Variants in WAPL observed in about 807,000 individuals in gnomAD.
WAPL encodes the protein WAPL cohesin release factor.
Under a neutral mutation model 121.0 loss-of-function variants are expected in WAPL, and 5 were observed. The observed-to-expected ratio is 0.04, with a 90% confidence interval of 0.02 to 0.09. The LOEUF (loss-of-function observed/expected upper bound fraction) is 0.09. Ranked by LOEUF, WAPL falls within the 10% of genes least tolerant of loss-of-function variation. WAPL has a pLI of 1.00. For synonymous variants in WAPL, 480 were observed against 481.5 expected, an observed-to-expected ratio of 1.00 and a Z score of 0.04; for missense variants, 999 against 1,410.8, an observed-to-expected ratio of 0.71 and a Z score of 4.68.
chr10:86,502,701 T>C lies in WAPL; in HGVS notation c.500-1958A>G, dbSNP rs536040329. ...CCCTCTTATAAGAAAATGAAGATAC[T>C]TCCTTTGATTTCTTACCAAACCCAT... On this transcript the variant is annotated intron_variant, in intron 2 of 18. Coordinates refer to ENST00000298767, the MANE Select transcript of WAPL (RefSeq NM_015045.5). Among the ~76,000 whole-genome samples the C allele has an allele frequency of 2.6e-5, 4 of 152,334 alleles. No homozygotes were observed. The East Asian group carries it at 5.8e-4, about 22-fold the overall frequency.
rs371738778 is a variant in WAPL, at chr10:86,497,184, G to C, written c.1644+17C>G. 131 of 1,552,030 alleles carry C rather than the reference G, an allele frequency of 8.4e-5. No individual in the cohort carries two copies. Among genetic ancestry groups the C allele is most frequent in the Non-Finnish European group, 1.1e-4 (129 of 1,133,054 alleles). ...TAACAAATAAATAATAAAAATCACT[G>C]ACAGTGCTTTACTTACCCGTTTGGG... On this transcript the variant is annotated intron_variant, in intron 4 of 18. Coordinates refer to ENST00000298767, the MANE Select transcript of WAPL (RefSeq NM_015045.5).
intron 4 of WAPL, among the ~76,000 whole-genome samples, chr10:86,478,605 G>A (rs1036957037): frequency 1.3e-5 from 2 of 151,994 alleles, no homozygotes; most frequent in African/African-American, 4.8e-5. Context: ...CAGTGCTCCA[G>A]GGGCATAAGC....
In WAPL at chr10:86,451,980, T is replaced by G; in HGVS notation, c.3101A>C (p.Gln1034Pro). The G allele has an allele frequency of 6.2e-7, 1 of 1,614,166 alleles. No individual in the cohort carries two copies. Among genetic ancestry groups the G allele is most frequent in the South Asian group, 1.1e-5 (1 of 91,088 alleles). The change falls in exon 15 of 19, where the codon CAG becomes CCG. Residue 1034 changes from glutamine to proline, a missense_variant. By Grantham distance (76) the Gln-to-Pro change is moderately conservative. This residue lies in a region of WAPL where 126 missense variants were observed against 144.0 expected (regional missense o/e 0.87). Coordinates refer to ENST00000298767, the MANE Select transcript of WAPL (RefSeq NM_015045.5). ...LRIGGQVHAV[Q>P]ALVQLFLERE... ...GTGGTTGCTTACCTGCACTAAAGCCTGGACAGCATGAACTTGTCCACCTAT... is the reference window on the plus strand; with the variant it reads ...GTGGTTGCTTACCTGCACTAAAGCCGGGACAGCATGAACTTGTCCACCTAT...
chr10:86,519,575 A>C (rs114507480), intron 1 of WAPL, among the ~76,000 whole-genome samples: 75 of 152,304 alleles, frequency 4.9e-4, no homozygotes, highest in African/African-American at 1.7e-3. Context: ...CTGCGTTAAG[A>C]GAAAACAGTG....
In WAPL at chr10:86,500,317, G is replaced by A; in HGVS notation, c.926C>T (p.Ser309Leu). The A allele has an allele frequency of 6.2e-7, 1 of 1,614,208 alleles. No homozygotes were observed. Among genetic ancestry groups the A allele is most frequent in the Non-Finnish European group, 8.5e-7 (1 of 1,180,038 alleles). ...GCCGTCCATCAGCTTATCAAAATTTGATGCTCCTTGGGAGGATTTCGTTTT... is the reference window on the plus strand; with the variant it reads ...GCCGTCCATCAGCTTATCAAAATTTAATGCTCCTTGGGAGGATTTCGTTTT... ...ANKTKSSQGASNFDKLMDGTS... is the reference protein window; with the variant it reads ...ANKTKSSQGALNFDKLMDGTS... Residue 309 changes from serine to leucine, a missense_variant, in exon 3 of 19, where the codon TCA becomes TTA. Ser to Leu is a moderately radical substitution (Grantham distance 145). Transcript: ENST00000298767.
Position 86,500,280 on chromosome 10 carries a change from G to A in WAPL, c.963C>T (p.Ala321=), listed in dbSNP as rs1405545360. Residue 321 remains alanine (A), a synonymous_variant, in exon 3 of 19, where the codon GCC becomes GCT. Coordinates refer to ENST00000298767, the MANE Select transcript of WAPL (RefSeq NM_015045.5). The stretch of plus-strand genomic sequence containing the variant: ...TCGATTCACTGTTTGCTTTGGCTAA[G>A]GCCTGACTGGTGCCGTCCATCAGCT... The part of the protein sequence containing the change: ...FDKLMDGTSQ[A]LAKANSESSK... 6.2e-7 allele frequency: 1 copy of A among 1,614,152 alleles called. No individual in the cohort carries two copies. Among genetic ancestry groups the A allele is most frequent in the Non-Finnish European group, 8.5e-7 (1 of 1,180,024 alleles).
intron 4 of WAPL, among the ~76,000 whole-genome samples, chr10:86,482,435 T>C (rs763261000): frequency 2.0e-5 from 3 of 152,232 alleles, no homozygotes; most frequent in East Asian, 1.9e-4. Context: ...TACGTGCATG[T>C]TTCCTATGCC....
chr10:86,453,996 T>C (rs1266710580), intron 12 of WAPL, among the ~76,000 whole-genome samples, 165 bp from the exon 13 acceptor site: 1 of 152,248 alleles, frequency 6.6e-6, no homozygotes, highest in Non-Finnish European at 1.5e-5. Context: ...TAAAAACTTA[T>C]GGCAGAAGTT....
chr10:86,491,136 C>CTTTTT lies in WAPL; in HGVS notation c.1644+6060_1644+6064dup, dbSNP rs34863367. The stretch of plus-strand genomic sequence containing the variant: ...CTATCAATAACATAAACTCATGGTT[C>CTTTTT]TTTTTTTTTTTTTTTTTTTTTAAGA... On this transcript the variant is annotated intron_variant, in intron 4 of 18. Transcript: ENST00000298767. Among the ~76,000 whole-genome samples, 3 of 102,786 alleles carry CTTTTT rather than the reference C, an allele frequency of 2.9e-5. No individual in the cohort carries two copies. In the East Asian group the frequency reaches 8.8e-4, roughly 30 times the overall value. 67.4% of individuals were successfully genotyped at this position (102,786 alleles called of 152,430 possible). A position where few individuals can be genotyped will look rare whatever the true frequency, so the allele number is the denominator to read the frequency against.
At chr10:86,479,806 A>G (rs909704751) in intron 4 of WAPL, among the ~76,000 whole-genome samples, 2 of 152,188 alleles carry the variant, frequency 1.3e-5, no homozygotes, top group African/African-American at 4.8e-5. Context: ...CGGCAATTCA[A>G]AAGGGGGAAG....
chr10:86,476,976 T>C (rs141477742), intron 4 of WAPL, among the ~76,000 whole-genome samples: 7 of 152,346 alleles, frequency 4.6e-5, no homozygotes, highest in East Asian at 1.9e-4. Context: ...GTAATACTAT[T>C]AGTTTTAAAG....
At chr10:86,498,711 T>C (rs1014890771) in intron 3 of WAPL, among the ~76,000 whole-genome samples, 11 of 152,212 alleles carry the variant, frequency 7.2e-5, no homozygotes, top group African/African-American at 2.7e-4. Context: ...CCTCACTAGA[T>C]AGTCAATCCA....
rs755036705 is a variant in WAPL, at chr10:86,472,422, A to C, written c.1894-78T>G. The C allele has an allele frequency of 1.3e-6, 2 of 1,538,296 alleles. No homozygotes were observed. Among genetic ancestry groups the C allele is most frequent in the African/African-American group, 2.8e-5 (2 of 71,282 alleles). On this transcript the variant is annotated intron_variant, in intron 6 of 18. Transcript: ENST00000298767. This position sits in a 1 kb window ranked among gnomAD's most constrained non-coding sequence, Gnocchi z 4.2. ...AATCTATGGGCTCACTGTACTTTACATAAGTGCATAAAATAGTTCATTAGA... is the reference window on the plus strand; with the variant it reads ...AATCTATGGGCTCACTGTACTTTACCTAAGTGCATAAAATAGTTCATTAGA...
rs764600747 is a variant in WAPL at position 86,491,733 on chromosome 10, TA to T, written c.1644+5467del. On this transcript the variant is annotated intron_variant, in intron 4 of 18. Coordinates refer to ENST00000298767, the MANE Select transcript of WAPL (RefSeq NM_015045.5). The stretch of plus-strand genomic sequence containing the variant: ...GGCCAAATATAAAACAACTTCAACT[TA>T]AAAAAAAAAAAAAGCAAAATCAACT... Among the ~76,000 whole-genome samples the T allele has an allele frequency of 8.8e-3, 1,149 of 130,572 alleles. 6 individuals are homozygous for T. Among genetic ancestry groups the T allele is most frequent in the Middle Eastern group, 0.019 (5 of 258 alleles). 85.7% of individuals were successfully genotyped at this position (130,572 alleles called of 152,430 possible).
rs146619276 is a variant in WAPL, at chr10:86,483,047, T to C, written c.1645-9074A>G. Among the ~76,000 whole-genome samples the C allele has an allele frequency of 1.3e-3, 197 of 152,326 alleles. 1 individual carries two copies. The highest frequency in any genetic ancestry group is 4.2e-3 in the African/African-American group (174 of 41,570). On this transcript the variant is annotated intron_variant, in intron 4 of 18. Transcript: ENST00000298767. ...GAAAAATTCCTAACATTTAGTGACA[T>C]CTTAGCACAATGCATTAGGCGAGTG...
At chr10:86,513,221 C>T (rs188055376) in intron 2 of WAPL, among the ~76,000 whole-genome samples, 1 of 152,264 alleles carries the variant, frequency 6.6e-6, no homozygotes, top group Admixed American at 6.5e-5. Context: ...TGGTCTCGAA[C>T]TCCTGACCTC....
chr10:86,499,943 G>T lies in WAPL; in HGVS notation c.1300C>A (p.His434Asn). The T allele has an allele frequency of 1.2e-6, 2 of 1,614,010 alleles. No individual in the cohort carries two copies. Among genetic ancestry groups the T allele is most frequent in the East Asian group, 4.5e-5 (2 of 44,884 alleles). The change falls in exon 3 of 19, where the codon CAT becomes AAT. Residue 434 changes from histidine to asparagine, a missense_variant. Transcript: ENST00000298767. The part of the protein sequence containing the change: ...VKLEFFGFED[H>N]ETGGDEGGSG... ...CCTCCTTCATCACCTCCTGTCTCAT[G>T]ATCTTCAAAACCAAAAAATTCAAGT...
Position 86,451,910 on chromosome 10 carries a change from A to G in WAPL, c.3114+57T>C, listed in dbSNP as rs918625436. On this transcript the variant is annotated intron_variant, in intron 15 of 18. Transcript: ENST00000298767. The stretch of plus-strand genomic sequence containing the variant: ...GGTAAAAGGTGCAAATGATAAAAGA[A>G]ATTGGACAAATCCAACAAACTGCAG... 1.4e-4 allele frequency: 218 copies of G among 1,588,146 alleles called. 1 individual carries two copies. The highest frequency in any genetic ancestry group is 1.8e-4 in the Non-Finnish European group (204 of 1,163,392).
intron 4 of WAPL, among the ~76,000 whole-genome samples, chr10:86,485,248 G>C (rs1841903296): frequency 6.6e-6 from 1 of 151,898 alleles, no homozygotes; most frequent in South Asian, 2.1e-4. Flanking sequence ...CTATACTAAA[G>C]AAAATACGAT....
Sources: allele counts gnomAD v4.1 joint callset (sites outside exome capture counted in the v4.1 genomes callset), GRCh38; gene constraint gnomAD v4.1.1; regional missense constraint gnomAD v4.1.1; non-coding constraint Gnocchi (gnomAD v3.1); transcripts MANE v1.5; gene names NCBI Gene and HGNC (gene_info 2026-07-23, HGNC 2026-07-21).